ADGB: variants seen among roughly 807,000 people sequenced by gnomAD.
The protein encoded by ADGB is calpain-7-like protein.
Under a neutral mutation model 210.5 loss-of-function variants are expected in ADGB, and 172 were observed. The observed-to-expected ratio is 0.82, with a 90% CI of 0.72 to 0.93. The LOEUF (loss-of-function observed/expected upper bound fraction) is 0.93. Among genes scored for constraint, ADGB ranks in the 40% least tolerant of loss-of-function variants. The probability of loss-of-function intolerance (pLI) is 0.00; values close to 1 mark genes in which losing one functional copy is unlikely to be tolerated. For synonymous variants in ADGB, 658 were observed against 662.7 expected, an observed-to-expected ratio of 0.99 and a Z score of 0.11; for missense variants, 2,025 against 1,964.8, an observed-to-expected ratio of 1.03 and a Z score of -0.58.
chr6:146,691,475 T>TAAAAAA lies in ADGB; in HGVS notation c.1486+188_1486+189insAAAAAA, dbSNP rs1554231923. ...ATATATATAAAAATATATATATATA[T>TAAAAAA]AAATATATATATATATATATATATA... On this transcript the variant is annotated intron_variant, in intron 11 of 35. Coordinates refer to ENST00000397944, the MANE Select transcript of ADGB (RefSeq NM_024694.4). Among the ~76,000 whole-genome samples, 6 of 46,810 alleles carry TAAAAAA rather than the reference T, an allele frequency of 1.3e-4. No individual in the cohort carries two copies. The African/African-American group carries it at 1.5e-3, about 12-fold the overall frequency. The allele number at this position is 46,810 out of a possible 152,430, so 30.7% of individuals were successfully genotyped here.
chr6:146,601,651 G>A (rs1357905526), intron 1 of ADGB, among the ~76,000 whole-genome samples: 2 of 151,992 alleles, frequency 1.3e-5, no homozygotes, highest in East Asian at 1.9e-4. Flanking sequence ...CAATAAATGC[G>A]ACCAACTCTA....
At chr6:146,664,536 T>G (rs1439205494) in intron 6 of ADGB, 196 bp downstream of exon 6, 2 of 474,916 alleles carry the variant, frequency 4.2e-6, no homozygotes, top group Non-Finnish European at 7.0e-6. Flanking sequence ...TAATGCAAAA[T>G]TCCTCCAAGA....
intron 28 of ADGB, among the ~76,000 whole-genome samples, chr6:146,764,975 ATTT>A (rs1459163321): frequency 1.3e-5 from 2 of 151,984 alleles, no homozygotes; most frequent in Non-Finnish European, 2.9e-5. Context: ...AATTTTCTGT[ATTT>A]TTAGTAGAGA....
At chr6:146,664,407 A>G in intron 6 of ADGB, 67 bp downstream of exon 6, 1 of 1,401,450 alleles carries the variant, frequency 7.1e-7, no homozygotes, top group Non-Finnish European at 9.4e-7. Context: ...ATACATTTGT[A>G]TTGCATAATT....
chr6:146,731,357 CAAAA>C (rs35924429), intron 20 of ADGB, among the ~76,000 whole-genome samples: 1 of 143,620 alleles, frequency 7.0e-6, no homozygotes, highest in Admixed American at 7.0e-5. Context: ...CACCATATGA[CAAAA>C]AAAAAAAAAG....
rs766216065 is a variant in ADGB at position 146,606,196 on chromosome 6, T to C, written c.74+7082T>C. ...ATTAGTGATGTTAAATATTTTTTCATATGCTTGTTGGCTGTCTGTTTATGT... is the reference window on the plus strand; with the variant it reads ...ATTAGTGATGTTAAATATTTTTTCACATGCTTGTTGGCTGTCTGTTTATGT... On this transcript the variant is annotated intron_variant, in intron 1 of 35. Transcript: ENST00000397944. Among the ~76,000 whole-genome samples the C allele has an allele frequency of 2.6e-5, 4 of 152,308 alleles. No homozygotes were observed. In the Middle Eastern group the frequency reaches 0.01, roughly 389 times the overall value.
At position 146,808,608 on chromosome 6, in the gene ADGB, C is replaced by A. The variant is rs766024126; in HGVS notation, c.4819-6424C>A. On this transcript the variant is annotated intron_variant, in intron 35 of 35. Coordinates refer to ENST00000397944, the MANE Select transcript of ADGB (RefSeq NM_024694.4). The stretch of plus-strand genomic sequence containing the variant: ...CTTCTAATTCATGACTATCTCAAAA[C>A]TCTCATAGTATTTTTTAACCAGTGA... Among the ~76,000 whole-genome samples, 7 of 152,344 alleles carry A rather than the reference C, an allele frequency of 4.6e-5. No homozygotes were observed. The South Asian group carries it at 1.0e-3, about 23-fold the overall frequency.
chr6:146,620,630 A>T (rs1438644221), intron 1 of ADGB, among the ~76,000 whole-genome samples: 1 of 151,726 alleles, frequency 6.6e-6, no homozygotes, highest in African/African-American at 2.4e-5. Context: ...TAAGACTTCT[A>T]TTTGGTTTTT....
chr6:146,801,322 T>C (rs1408093397), intron 34 of ADGB, 43 bp downstream of exon 34: 4 of 1,174,644 alleles, frequency 3.4e-6, no homozygotes, highest in Non-Finnish European at 4.6e-6. Flanking sequence ...ACTGTGTGTT[T>C]TGTTAAATCG....
intron 13 of ADGB, among the ~76,000 whole-genome samples, chr6:146,703,005 C>T (rs1371536667): frequency 6.6e-6 from 1 of 151,614 alleles, no homozygotes; most frequent in Non-Finnish European, 1.5e-5. Flanking sequence ...AAAAGTAGTT[C>T]ATTTTGCTTT....
intron 1 of ADGB, 70 bp downstream of exon 1, chr6:146,599,184 G>A: frequency 7.1e-7 from 1 of 1,402,048 alleles, no homozygotes; most frequent in African/African-American, 1.4e-5. Flanking sequence ...TTCTGGGGCT[G>A]CCTCCCTGCA....
At chr6:146,766,430 A>AAAATTAAATTAAATT (rs71552958) in intron 28 of ADGB, among the ~76,000 whole-genome samples, 1,440 of 139,418 alleles carry the variant, frequency 0.01, 30 homozygotes, top group African/African-American at 0.037. Flanking sequence ...CTGTCTCAGT[A>AAAATTAAATTAAATT]AAATTAAATT....
intron 1 of ADGB, among the ~76,000 whole-genome samples, chr6:146,614,994 G>A (rs763314729): frequency 2.2e-4 from 34 of 152,038 alleles, no homozygotes; most frequent in African/African-American, 3.1e-4. Flanking sequence ...TTCGCCTCCC[G>A]GGTTCACGCC....
At chr6:146,731,532 CTACCT>C (rs1226720244) in intron 20 of ADGB, among the ~76,000 whole-genome samples, 1 of 152,008 alleles carries the variant, frequency 6.6e-6, no homozygotes, top group Non-Finnish European at 1.5e-5. Flanking sequence ...AGGATCTTGG[CTACCT>C]TACTGTAGCC....
chr6:146,655,539 C>T (rs959704757), intron 4 of ADGB, among the ~76,000 whole-genome samples: 2 of 152,146 alleles, frequency 1.3e-5, no homozygotes, highest in Non-Finnish European at 2.9e-5. Flanking sequence ...TCTGCTAAGA[C>T]TCAGAGGAGT....
intron 9 of ADGB, among the ~76,000 whole-genome samples, chr6:146,681,786 G>T (rs1776161655): frequency 6.6e-6 from 1 of 152,044 alleles, no homozygotes; most frequent in Admixed American, 6.6e-5. Context: ...AACATTGTCT[G>T]GTAGGAAGTG....
chr6:146,628,752 C>A (rs186610644), intron 1 of ADGB, among the ~76,000 whole-genome samples: 3 of 151,794 alleles, frequency 2.0e-5, no homozygotes, highest in Non-Finnish European at 4.4e-5. Flanking sequence ...TGCTATTTTC[C>A]GTAAGAAGTT....
chr6:146,605,589 G>A (rs1267828789), intron 1 of ADGB, among the ~76,000 whole-genome samples: 1 of 152,044 alleles, frequency 6.6e-6, no homozygotes, highest in East Asian at 1.9e-4. Context: ...CTCAGTGCAG[G>A]AGCTAAACCA....
At chr6:146,793,415 C>T (rs577333651) in intron 33 of ADGB, among the ~76,000 whole-genome samples, 2 of 152,212 alleles carry the variant, frequency 1.3e-5, no homozygotes, top group African/African-American at 4.8e-5. Flanking sequence ...GTGATGACCA[C>T]TGTAGCTACT....
Sources: gnomAD v4.1 joint callset for allele counts (sites outside exome capture counted in the v4.1 genomes callset) on GRCh38, gnomAD v4.1.1 for gene constraint, MANE v1.5 for transcripts, NCBI Gene and HGNC (gene_info 2026-07-23, HGNC 2026-07-21) for gene names.